Variants in RNF115 observed in about 807,000 individuals in gnomAD.
The protein encoded by RNF115 is E3 ubiquitin-protein ligase RNF115.
A neutral mutation model predicts 39.2 loss-of-function variants in RNF115; 31 were observed. That is an observed-to-expected ratio of 0.79 (90% CI 0.59 to 1.07). RNF115 has a LOEUF of 1.07. RNF115 is among the 50% of genes least tolerant of loss of function. RNF115 has a pLI of 0.00. For synonymous variants in RNF115, 124 were observed against 131.0 expected (o/e 0.95, Z 0.37); for missense variants, 384 against 381.7 (o/e 1.01, Z -0.05).
At chr1:145,776,660 C>A (rs190460826) in intron 3 of RNF115, among the ~76,000 whole-genome samples, 299 of 151,978 alleles carry the variant, frequency 2.0e-3, no homozygotes, top group African/African-American at 7.0e-3. Context: ...CATGGTGAAA[C>A]CCCGTCTCTA....
chr1:145,788,651 C>T (rs1648497433), intron 2 of RNF115: 5 of 604,168 alleles, frequency 8.3e-6, no homozygotes, highest in Non-Finnish European at 1.6e-5. Flanking sequence ...ACATGGAATG[C>T]CACATACAAT....
chr1:145,794,992 G>C (rs1398645777), intron 1 of RNF115, among the ~76,000 whole-genome samples: 1 of 148,496 alleles, frequency 6.7e-6, no homozygotes, highest in Non-Finnish European at 1.5e-5. Context: ...ACTCCAGCCT[G>C]GGTGACAGAG....
In RNF115 at chr1:145,746,650, C is replaced by T. The variant is rs1657889602; in HGVS notation, c.*216G>A. 1 of 509,746 alleles carries T rather than the reference C, an allele frequency of 2.0e-6. No homozygotes were observed. Among genetic ancestry groups the T allele is most frequent in the Non-Finnish European group, 3.4e-6 (1 of 290,060 alleles). 31.6% of individuals were successfully genotyped at this position (509,746 alleles called of 1,614,324 possible). ...AAGTTTCACACTTATAAAATTATCA[C>T]TCTGAATTCAGGGATAAGAGGCATT... is the stretch of plus-strand genomic sequence containing the variant. On this transcript the variant is annotated 3_prime_UTR_variant, in exon 9 of 9. Transcript: ENST00000582693.
At chr1:145,820,583 A>G (rs1650189823) in intron 1 of RNF115, among the ~76,000 whole-genome samples, 1 of 152,070 alleles carries the variant, frequency 6.6e-6, no homozygotes, top group South Asian at 2.1e-4. Context: ...TAAAAATACA[A>G]AAATTAGCTG....
At chr1:145,777,723 TCA>T (rs1342632116) in intron 3 of RNF115, among the ~76,000 whole-genome samples, 1 of 152,118 alleles carries the variant, frequency 6.6e-6, no homozygotes. Flanking sequence ...GTCTAAAGAA[TCA>T]CAGAGACAGT....
chr1:145,766,499 G>A (rs1219189830), intron 4 of RNF115, among the ~76,000 whole-genome samples: 1 of 151,890 alleles, frequency 6.6e-6, no homozygotes, highest in Non-Finnish European at 1.5e-5. Context: ...TGTTCCCAAT[G>A]AGCTGTTGAG....
rs1020746536 is a variant in RNF115 at position 145,746,574 on chromosome 1, C to G, written c.*292G>C. ...AACATGACAGACAGCAGGACCCTAACTAGACTTTAAGGAATTAATTCTATT... is the reference window on the plus strand; with the variant it reads ...AACATGACAGACAGCAGGACCCTAAGTAGACTTTAAGGAATTAATTCTATT... On this transcript the variant is annotated 3_prime_UTR_variant, in exon 9 of 9. Coordinates refer to ENST00000582693, the MANE Select transcript of RNF115 (RefSeq NM_014455.4). 2 of 280,012 alleles carry G rather than the reference C, an allele frequency of 7.1e-6. No homozygotes were observed. The highest frequency in any genetic ancestry group is 1.0e-4 in the Admixed American group (2 of 19,496). The allele number at this position is 280,012 out of a possible 1,614,324, so 17.3% of individuals were successfully genotyped here. A position where few individuals can be genotyped will look rare whatever the true frequency, so the allele number is the denominator to read the frequency against.
intron 1 of RNF115, among the ~76,000 whole-genome samples, chr1:145,794,502 C>A (rs79263871): frequency 1.2e-5 from 1 of 81,118 alleles, no homozygotes; most frequent in East Asian, 3.5e-4. Context: ...TAATCTCTTT[C>A]TTTTTTTTTT....
intron 4 of RNF115, among the ~76,000 whole-genome samples, chr1:145,764,887 C>G (rs955081154): frequency 5.3e-5 from 8 of 151,716 alleles, no homozygotes; most frequent in Admixed American, 4.6e-4. Flanking sequence ...AGTGATGAGC[C>G]CCTCTGCCCG....
At chr1:145,776,243 C>A (rs1257448233) in intron 3 of RNF115, among the ~76,000 whole-genome samples, 2 of 147,378 alleles carry the variant, frequency 1.4e-5, no homozygotes, top group Non-Finnish European at 1.5e-5. Flanking sequence ...TGGCTCACTG[C>A]ATACTCCGCC....
chr1:145,816,898 T>C (rs1650017741), intron 1 of RNF115, among the ~76,000 whole-genome samples: 2 of 81,272 alleles, frequency 2.5e-5, no homozygotes, highest in Non-Finnish European at 5.5e-5. Flanking sequence ...GCCTCCCAAG[T>C]AGCTAGGACT....
In RNF115 at chr1:145,741,278, T is replaced by A. The variant is rs587678986; in HGVS notation, c.*5588A>T. The A allele has an allele frequency of 6.6e-6, 1 of 152,372 alleles. No homozygotes were observed. The highest frequency in any genetic ancestry group is 2.1e-4 in the South Asian group (1 of 4,832). The allele number at this position is 152,372 out of a possible 1,614,324, so 9.4% of individuals were successfully genotyped here. ...AGAGGCAACATACAAACTACACTTC[T>A]GTGGACACCAAGTGTAGTGTGGCAG... On this transcript the variant is annotated 3_prime_UTR_variant, in exon 9 of 9. Coordinates refer to ENST00000582693, the MANE Select transcript of RNF115 (RefSeq NM_014455.4).
intron 4 of RNF115, among the ~76,000 whole-genome samples, chr1:145,762,131 T>C (rs1265355708): frequency 1.3e-5 from 2 of 152,250 alleles, no homozygotes; most frequent in African/African-American, 4.8e-5. Context: ...AGCTTGCTTT[T>C]GATTTTACAG....
At chr1:145,815,592 C>G (rs1331871800) in intron 1 of RNF115, among the ~76,000 whole-genome samples, 8 of 152,076 alleles carry the variant, frequency 5.3e-5, no homozygotes, top group Non-Finnish European at 1.2e-4. Context: ...GGTGTACTAC[C>G]CAGTCATTCA....
In RNF115 at chr1:145,789,543, C is replaced by T. The variant is rs1162264588; in HGVS notation, c.103-577G>A. On this transcript the variant is annotated intron_variant, in intron 1 of 8. Coordinates refer to ENST00000582693, the MANE Select transcript of RNF115 (RefSeq NM_014455.4). Reference sequence around the variant, plus strand: ...CCTCCCAAGTAGCTAGGATTACAGGCATGCGACAACACGCCTGGCTAATTT... The same window carrying T: ...CCTCCCAAGTAGCTAGGATTACAGGTATGCGACAACACGCCTGGCTAATTT... Among the ~76,000 whole-genome samples the T allele has an allele frequency of 2.6e-5, 4 of 151,182 alleles. No individual in the cohort carries two copies. The South Asian group carries it at 6.3e-4, about 24-fold the overall frequency.
chr1:145,824,068 G>A lies in RNF115; in HGVS notation c.-195C>T, dbSNP rs1650474257. 4 of 471,550 alleles carry A rather than the reference G, an allele frequency of 8.5e-6. No individual in the cohort carries two copies. In the East Asian group the frequency reaches 1.1e-4, roughly 14 times the overall value. 29.2% of individuals were successfully genotyped at this position (471,550 alleles called of 1,614,324 possible). On this transcript the variant is annotated 5_prime_UTR_variant, in exon 1 of 9. Transcript: ENST00000582693. ...CAGCTACCCTGCGGCCCGCCTCCCA[G>A]CACCAAAGAGGCGCAGGAAGGAGAG...
rs905854315 is a variant in RNF115 at position 145,739,962 on chromosome 1, T to C, written c.*6904A>G. On this transcript the variant is annotated 3_prime_UTR_variant, in exon 9 of 9. Transcript: ENST00000582693. ...TATTGTATCTTCTCTTTCCACAGAA[T>C]TGTTCTGAGAATCAAAATGAGAGTC... is the stretch of plus-strand genomic sequence containing the variant. 6.6e-6 allele frequency: 1 copy of C among 152,222 alleles called. No homozygotes were observed. The highest frequency in any genetic ancestry group is 2.4e-5 in the African/African-American group (1 of 41,458). The allele number at this position is 152,222 out of a possible 1,614,324, so 9.4% of individuals were successfully genotyped here. A position where few individuals can be genotyped will look rare whatever the true frequency, so the allele number is the denominator to read the frequency against.
At position 145,774,983 on chromosome 1, in the gene RNF115, A is replaced by G. The variant is rs1647814762; in HGVS notation, c.220-3064T>C. ...AAAAACAGGCTGGGCACAGTGGCTT[A>G]TGCCTGTAATCCTAGCACTTTGGGA... On this transcript the variant is annotated intron_variant, in intron 3 of 8. Transcript: ENST00000582693. Among the ~76,000 whole-genome samples the G allele has an allele frequency of 2.6e-5, 4 of 152,224 alleles. No homozygotes were observed. The South Asian group carries it at 8.3e-4, about 31-fold the overall frequency.
intron 1 of RNF115, among the ~76,000 whole-genome samples, chr1:145,800,716 C>A (rs1553720773): frequency 1.3e-5 from 2 of 152,152 alleles, no homozygotes; most frequent in Non-Finnish European, 1.5e-5. Flanking sequence ...TACTATCTGA[C>A]CACAACCACA....
Sources: gnomAD v4.1 joint callset for allele counts (sites outside exome capture counted in the v4.1 genomes callset) on GRCh38, gnomAD v4.1.1 for gene constraint, MANE v1.5 for transcripts, NCBI Gene and HGNC (gene_info 2026-07-23, HGNC 2026-07-21) for gene names.